Variants in RIPOR2 observed in about 807,000 individuals in gnomAD.
The protein encoded by RIPOR2 is rho family-interacting cell polarization regulator 2.
A neutral mutation model predicts 114.5 loss-of-function variants in RIPOR2; 39 were observed. The observed-to-expected ratio is 0.34, with a 90% confidence interval of 0.26 to 0.44. The LOEUF (loss-of-function observed/expected upper bound fraction) is 0.44. RIPOR2 is among the 20% of genes least tolerant of loss of function. The pLI, the probability that RIPOR2 is intolerant of heterozygous loss-of-function variation, is 1.00. For missense variants in RIPOR2, 1,007 were observed against 1,255.1 expected, an observed-to-expected ratio of 0.80 and a Z score of 2.99; for synonymous variants, 445 against 484.4, an observed-to-expected ratio of 0.92 and a Z score of 1.07.
chr6:24,984,611 T>C (rs538775253), intron 1 of RIPOR2, among the ~76,000 whole-genome samples: 1 of 148,378 alleles, frequency 6.7e-6, no homozygotes, highest in South Asian at 2.1e-4. Flanking sequence ...AGCCCGGGAG[T>C]TGGAGACCAG....
At chr6:24,940,919 G>A (rs369694467), upstream of RIPOR2, among the ~76,000 whole-genome samples, 12 of 152,318 alleles carry the variant, frequency 7.9e-5, no homozygotes, top group East Asian at 2.1e-3. Context: ...CTCCCAAAGG[G>A]CTGGGATTAC....
intron 8 of RIPOR2, among the ~76,000 whole-genome samples, chr6:24,859,984 G>A (rs1014679378): frequency 1.3e-5 from 2 of 152,122 alleles, no homozygotes; most frequent in African/African-American, 2.4e-5. Context: ...TGTGATGGCC[G>A]CTCATTTGAC....
chr6:24,997,717 T>C (rs1377783058), intron 1 of RIPOR2, among the ~76,000 whole-genome samples: 1 of 152,166 alleles, frequency 6.6e-6, no homozygotes, highest in African/African-American at 2.4e-5. Context: ...TTGAAAACCA[T>C]TGATATAGAG....
At chr6:24,846,747 G>A (rs1293757363) in intron 12 of RIPOR2, among the ~76,000 whole-genome samples, 2 of 152,050 alleles carry the variant, frequency 1.3e-5, no homozygotes, top group Admixed American at 1.3e-4. Flanking sequence ...GTATGTGTGT[G>A]TGCATGCATG....
chr6:25,007,247 A>C (rs1389165250), intron 1 of RIPOR2, among the ~76,000 whole-genome samples: 1 of 152,210 alleles, frequency 6.6e-6, no homozygotes, highest in African/African-American at 2.4e-5. Context: ...CTGTGTCTAC[A>C]CGGTAAGCTG....
intron 1 of RIPOR2, among the ~76,000 whole-genome samples, chr6:24,893,468 C>T (rs898955254): frequency 6.6e-6 from 1 of 152,184 alleles, no homozygotes; most frequent in Non-Finnish European, 1.5e-5. Context: ...AAACCCTTGT[C>T]CTCCTCAGGT....
intron 17 of RIPOR2, among the ~76,000 whole-genome samples, chr6:24,829,400 G>A (rs1398259564): frequency 6.6e-6 from 1 of 152,126 alleles, no homozygotes; most frequent in Non-Finnish European, 1.5e-5. Flanking sequence ...GGAGGCCAAG[G>A]GAGGATTGCT....
chr6:24,850,744 GC>G, intron 9 of RIPOR2, 22 bp from the exon 10 acceptor site: 1 of 1,612,860 alleles, frequency 6.2e-7, no homozygotes. Flanking sequence ...ACATCCAAGG[GC>G]CTTCATGTCT....
intron 1 of RIPOR2, among the ~76,000 whole-genome samples, chr6:24,902,755 A>G (rs1339831713): frequency 6.6e-6 from 1 of 152,254 alleles, no homozygotes; most frequent in Non-Finnish European, 1.5e-5. Flanking sequence ...AATGTGCAAC[A>G]GTTTGCTTCT....
chr6:24,977,521 T>A (rs1774120899), intron 1 of RIPOR2, among the ~76,000 whole-genome samples: 1 of 152,198 alleles, frequency 6.6e-6, no homozygotes, highest in African/African-American at 2.4e-5. Flanking sequence ...ACCAAATATT[T>A]ATCTCCAATA....
rs2113623384 is a variant in RIPOR2, at chr6:24,809,957, A to G, written c.2953-150T>C. The G allele has an allele frequency of 8.0e-6, 5 of 621,570 alleles. No individual in the cohort carries two copies. The South Asian group carries it at 9.5e-5, about 12-fold the overall frequency. The allele number at this position is 621,570 out of a possible 1,614,324, so 38.5% of individuals were successfully genotyped here. A position where few individuals can be genotyped will look rare whatever the true frequency, so the allele number is the denominator to read the frequency against. ...GCAATCATAGCTCACTGCAGCCTTG[A>G]CCTCCTGGGCTCAAGCAATTCTCCT... On this transcript the variant is annotated intron_variant, in intron 20 of 21. Transcript: ENST00000643898.
At position 24,917,676 on chromosome 6, in the gene RIPOR2, C is replaced by T. The variant is rs370866085; in HGVS notation, c.61+18162G>A. On this transcript the variant is annotated intron_variant, in intron 1 of 21. Transcript: ENST00000643898. The stretch of plus-strand genomic sequence containing the variant: ...TCCCGTGTAGCTGGGATTACAGGCG[C>T]GTACCACCAGGCCTGGCTAATGTTT... 1.2e-4 allele frequency among the ~76,000 whole-genome samples: 18 copies of T among 152,220 alleles called. No individual in the cohort carries two copies. In the South Asian group the frequency reaches 2.1e-3, roughly 18 times the overall value.
intron 1 of RIPOR2, chr6:24,976,693 C>T: frequency 1.2e-6 from 2 of 1,607,870 alleles, no homozygotes; most frequent in South Asian, 2.2e-5. Flanking sequence ...CTTCACACGC[C>T]ATAATGGCAC....
At chr6:24,840,567 C>T in intron 13 of RIPOR2, 3 of 1,465,684 alleles carry the variant, frequency 2.0e-6, no homozygotes, top group Non-Finnish European at 2.7e-6. Flanking sequence ...TAAATGTCCT[C>T]CATCCAGTTA....
At position 24,846,300 on chromosome 6, in the gene RIPOR2, C is replaced by CTTTT. The variant is rs1562253042; in HGVS notation, c.1164+1724_1164+1725insAAAA. Reference sequence around the variant, plus strand: ...AGTTTAGCCTGGTCCTTTTCACCTGCCTTTTTTTTTTTTTTTTTTTTTTTG... The same window carrying CTTTT: ...AGTTTAGCCTGGTCCTTTTCACCTGCTTTTCTTTTTTTTTTTTTTTTTTTTTTTG... On this transcript the variant is annotated intron_variant, in intron 12 of 21. Coordinates refer to ENST00000643898, the MANE Select transcript of RIPOR2 (RefSeq NM_001286445.3). Among the ~76,000 whole-genome samples the CTTTT allele has an allele frequency of 2.0e-4, 22 of 111,326 alleles. 3 individuals are homozygous for CTTTT. The highest frequency in any genetic ancestry group is 2.3e-4 in the Non-Finnish European group (12 of 52,964). 73.0% of individuals were successfully genotyped at this position (111,326 alleles called of 152,430 possible).
intron 1 of RIPOR2, among the ~76,000 whole-genome samples, chr6:25,034,628 G>A (rs1777155230): frequency 6.6e-6 from 1 of 152,182 alleles, no homozygotes; most frequent in Admixed American, 6.5e-5. Flanking sequence ...AACAACCTGA[G>A]AATTACAGAC....
chr6:25,029,889 CTCTT>C (rs1776837395), intron 1 of RIPOR2, among the ~76,000 whole-genome samples: 1 of 152,200 alleles, frequency 6.6e-6, no homozygotes, highest in Non-Finnish European at 1.5e-5. Context: ...TATTCTTTCA[CTCTT>C]TCCCTTCTGT....
At chr6:24,899,845 G>T (rs570157788) in intron 1 of RIPOR2, among the ~76,000 whole-genome samples, 1 of 152,180 alleles carries the variant, frequency 6.6e-6, no homozygotes, top group Admixed American at 6.5e-5. Context: ...GAAGGAGAAG[G>T]CACGCCACTG....
At chr6:24,974,050 A>G (rs1773918013) in intron 1 of RIPOR2, among the ~76,000 whole-genome samples, 1 of 152,166 alleles carries the variant, frequency 6.6e-6, no homozygotes, top group African/African-American at 2.4e-5. Flanking sequence ...TCAGCATTAC[A>G]CAATATACTC....
Sources: gnomAD v4.1 joint callset for allele counts (sites outside exome capture counted in the v4.1 genomes callset) on GRCh38, gnomAD v4.1.1 for gene constraint, MANE v1.5 for transcripts, NCBI Gene and HGNC (gene_info 2026-07-23, HGNC 2026-07-21) for gene names.